EIF2S3: variants seen among roughly 807,000 people sequenced by gnomAD.
EIF2S3 encodes the protein eukaryotic translation initiation factor 2 subunit 3.
In EIF2S3, 2 loss-of-function variants were observed where a neutral mutation model predicts 31.7. That is an observed-to-expected ratio of 0.06 (90% CI 0.03 to 0.20). The LOEUF is 0.20. Ranked by LOEUF, EIF2S3 falls within the 10% of genes least tolerant of loss-of-function variation. The pLI, the probability that EIF2S3 is intolerant of heterozygous loss-of-function variation, is 1.00. For missense variants in EIF2S3, 96 were observed against 359.3 expected (o/e 0.27, Z 5.92); for synonymous variants, 120 against 126.7 (o/e 0.95, Z 0.36).
intron 5 of EIF2S3, among the ~76,000 whole-genome samples, chrX:24,062,028 T>C (rs1930500407): frequency 9.0e-6 from 1 of 111,596 alleles, no homozygotes; most frequent in Non-Finnish European, 1.9e-5. Context: ...CTGGCAATAA[T>C]ATCTTCCTTA....
chrX:24,078,327 A>C lies in EIF2S3; in HGVS notation c.*1542A>C, dbSNP rs758955981. Among the ~76,000 whole-genome samples the C allele has an allele frequency of 2.8e-5, 3 of 109,037 alleles. No homozygotes were observed. Among genetic ancestry groups the C allele is most frequent in the South Asian group, 7.8e-4 (2 of 2,570 alleles). The allele number at this position is 109,037 out of a possible 115,157, so 94.7% of individuals were successfully genotyped here. A position where few individuals can be genotyped will look rare whatever the true frequency, so the allele number is the denominator to read the frequency against. On this transcript the variant is annotated 3_prime_UTR_variant, in exon 12 of 12. Transcript: ENST00000253039. ...AGGCGTGAGCCACTCTGCCCGGCTT[A>C]TTTTTCTTTATGTTTTTGCTTCGTA...
At chrX:24,070,536 G>A (rs774604543) in intron 9 of EIF2S3, among the ~76,000 whole-genome samples, 37 of 97,394 alleles carry the variant, frequency 3.8e-4, no homozygotes, top group Non-Finnish European at 6.2e-4. Flanking sequence ...TGCCTCCCAG[G>A]TTCAAGTGAT....
intron 9 of EIF2S3, among the ~76,000 whole-genome samples, chrX:24,068,693 G>T (rs1156270954): frequency 1.8e-5 from 2 of 111,560 alleles, no homozygotes; most frequent in African/African-American, 6.5e-5. Flanking sequence ...CAGTCCCCCT[G>T]CCTCGGCCTT....
intron 1 of EIF2S3, 138 bp from the exon 2 acceptor site, chrX:24,055,477 T>G: frequency 3.4e-6 from 2 of 587,391 alleles, no homozygotes; most frequent in Non-Finnish European, 5.6e-6. Flanking sequence ...GAGTACAAAG[T>G]TACTGATAGG....
intron 9 of EIF2S3, 77 bp from the exon 10 acceptor site, chrX:24,071,481 C>A: frequency 9.3e-7 from 1 of 1,076,121 alleles, no homozygotes; most frequent in Non-Finnish European, 1.3e-6. Flanking sequence ...TGAGCCACTG[C>A]ACCTGGCCAA....
At chrX:24,061,639 T>C (rs934071881) in intron 5 of EIF2S3, among the ~76,000 whole-genome samples, 1 of 107,906 alleles carries the variant, frequency 9.3e-6, no homozygotes, top group Non-Finnish European at 1.9e-5. Flanking sequence ...CTTGAGGAGG[T>C]TGATCATTAG....
intron 10 of EIF2S3, among the ~76,000 whole-genome samples, chrX:24,072,131 G>A (rs748996246): frequency 9.0e-6 from 1 of 111,005 alleles, no homozygotes; most frequent in African/African-American, 3.3e-5. Context: ...CGCCCGCCTT[G>A]GCCTCCCAAA....
rs904600305 is a variant in EIF2S3, at chrX:24,060,034, G to A, written c.384-54G>A. The stretch of plus-strand genomic sequence containing the variant: ...TTTAACTTTAAAAAATCTAAAACTA[G>A]CATGTGTAAGTAGTGATTTATGTTA... On this transcript the variant is annotated intron_variant, in intron 4 of 11. Coordinates refer to ENST00000253039, the MANE Select transcript of EIF2S3 (RefSeq NM_001415.4). The A allele has an allele frequency of 9.9e-6, 9 of 909,545 alleles. No homozygotes were observed. In the Admixed American group the frequency reaches 1.9e-4, roughly 20 times the overall value. The allele number at this position is 909,545 out of a possible 1,213,427, so 75.0% of individuals were successfully genotyped here. A position where few individuals can be genotyped will look rare whatever the true frequency, so the allele number is the denominator to read the frequency against.
chrX:24,057,858 T>C (rs1428075854), intron 4 of EIF2S3, 104 bp downstream of exon 4: 5 of 922,209 alleles, frequency 5.4e-6, no homozygotes, highest in Non-Finnish European at 7.2e-6. Context: ...AATGGCTAAA[T>C]GGTTTTGTTG....
At chrX:24,073,330 A>C in intron 11 of EIF2S3, 67 bp downstream of exon 11, 1 of 1,129,228 alleles carries the variant, frequency 8.9e-7, no homozygotes. Context: ...AAAAAAAAGC[A>C]CACAATCTTC....
In EIF2S3 at chrX:24,077,549, T is replaced by A. The variant is rs1177927385; in HGVS notation, c.*764T>A. The A allele has an allele frequency of 8.9e-6, 1 of 112,640 alleles. No individual in the cohort carries two copies. The highest frequency in any genetic ancestry group is 1.9e-5 in the Non-Finnish European group (1 of 53,376). The allele number at this position is 112,640 out of a possible 1,213,427, so 9.3% of individuals were successfully genotyped here. A position where few individuals can be genotyped will look rare whatever the true frequency, so the allele number is the denominator to read the frequency against. On this transcript the variant is annotated 3_prime_UTR_variant, in exon 12 of 12. Transcript: ENST00000253039. ...AAGGCACAAATTCTCCTTGAAGACC[T>A]TCTCCCTTTTATGTGGCCCCATATT...
chrX:24,056,783 C>T lies in EIF2S3; in HGVS notation c.134-638C>T, dbSNP rs148786643. Among the ~76,000 whole-genome samples, 397 of 111,689 alleles carry T rather than the reference C, an allele frequency of 3.6e-3. 2 individuals are homozygous for T. The highest frequency in any genetic ancestry group is 5.6e-3 in the Non-Finnish European group (298 of 53,127). On this transcript the variant is annotated intron_variant, in intron 2 of 11. Coordinates refer to ENST00000253039, the MANE Select transcript of EIF2S3 (RefSeq NM_001415.4). Reference sequence around the variant, plus strand: ...CCGAGGTCGGAGGATTGCTCAAGCCCAGGTGGTTGAGGTTGCAGTGAGCTG... The same window carrying T: ...CCGAGGTCGGAGGATTGCTCAAGCCTAGGTGGTTGAGGTTGCAGTGAGCTG...
chrX:24,060,345 C>G, intron 5 of EIF2S3, 163 bp downstream of exon 5: 2 of 428,551 alleles, frequency 4.7e-6, no homozygotes, highest in South Asian at 9.3e-5. Flanking sequence ...TATCAGCTAT[C>G]ACAAAATACT....
At chrX:24,058,681 G>A (rs1275360730) in intron 4 of EIF2S3, among the ~76,000 whole-genome samples, 1 of 108,090 alleles carries the variant, frequency 9.3e-6, no homozygotes, top group East Asian at 2.9e-4. Context: ...ACAGGCGTGA[G>A]CCCCCATGCC....
At chrX:24,072,650 G>A (rs1020436729) in intron 10 of EIF2S3, among the ~76,000 whole-genome samples, 1 of 111,416 alleles carries the variant, frequency 9.0e-6, no homozygotes, top group African/African-American at 3.3e-5. Context: ...ACCTAGTGTT[G>A]GCAAAGATTG....
intron 7 of EIF2S3, 94 bp downstream of exon 7, chrX:24,064,429 C>T: frequency 9.9e-7 from 1 of 1,013,496 alleles, no homozygotes; most frequent in Non-Finnish European, 1.3e-6. Flanking sequence ...CCTCTTTCTG[C>T]AGAGGTGATA....
At chrX:24,065,634 T>G in intron 7 of EIF2S3, among the ~76,000 whole-genome samples, 1 of 111,791 alleles carries the variant, frequency 8.9e-6, no homozygotes, top group East Asian at 2.8e-4. Flanking sequence ...AGACATTGAT[T>G]ATTTTATTTT....
At chrX:24,069,376 C>CAAA (rs1161413795) in intron 9 of EIF2S3, among the ~76,000 whole-genome samples, 1 of 44,014 alleles carries the variant, frequency 2.3e-5, no homozygotes, top group African/African-American at 7.5e-5. Context: ...CACTCTGTCT[C>CAAA]AAAAAAAAAA....
chrX:24,062,748 C>A, intron 6 of EIF2S3, 174 bp downstream of exon 6: 1 of 417,286 alleles, frequency 2.4e-6, no homozygotes, highest in Non-Finnish European at 3.8e-6. Flanking sequence ...CTAATGAAAC[C>A]TGTGATTCTG....
Sources: gnomAD v4.1 joint callset for allele counts (sites outside exome capture counted in the v4.1 genomes callset) on GRCh38, gnomAD v4.1.1 for gene constraint, MANE v1.5 for transcripts, NCBI Gene and HGNC (gene_info 2026-07-23, HGNC 2026-07-21) for gene names.